The following GRIK4 variants were observed in gnomAD, a reference collection of about 807,000 sequenced individuals.
The protein encoded by GRIK4 is glutamate receptor ionotropic, kainate 4.
A neutral mutation model predicts 104.9 loss-of-function variants in GRIK4; 40 were observed. That is an observed-to-expected ratio of 0.38 (90% CI 0.30 to 0.50). The LOEUF (loss-of-function observed/expected upper bound fraction) is 0.50, where lower values mean the gene tolerates loss of function less well. Ranked by LOEUF, GRIK4 falls within the 20% of genes least tolerant of loss-of-function variation. The pLI is 0.93. For synonymous variants in GRIK4, 485 were observed against 524.9 expected, an observed-to-expected ratio of 0.92 and a Z score of 1.04; for missense variants, 1,047 against 1,308.1, an observed-to-expected ratio of 0.80 and a Z score of 3.08.
chr11:120,803,111 C>T (rs138699127), intron 4 of GRIK4, among the ~76,000 whole-genome samples: 47 of 152,302 alleles, frequency 3.1e-4, no homozygotes, highest in African/African-American at 1.0e-3. Context: ...TCATTCATTG[C>T]TTCATATATT....
At chr11:120,543,917 A>C (rs1565544414) in intron 1 of GRIK4, among the ~76,000 whole-genome samples, 1 of 152,240 alleles carries the variant, frequency 6.6e-6, no homozygotes, top group Admixed American at 6.5e-5. Context: ...TCTCACTTAC[A>C]TGTGGAATCT....
chr11:120,710,343 A>G (rs747078152), intron 3 of GRIK4, among the ~76,000 whole-genome samples: 1 of 152,206 alleles, frequency 6.6e-6, no homozygotes, highest in Non-Finnish European at 1.5e-5. Context: ...CCGGGAGGTT[A>G]GGAGGTCTGA....
intron 3 of GRIK4, among the ~76,000 whole-genome samples, chr11:120,752,818 T>C (rs1231517999): frequency 6.6e-6 from 1 of 152,184 alleles, no homozygotes; most frequent in Non-Finnish European, 1.5e-5. Flanking sequence ...AGCTGAGGCA[T>C]GAAGCATAGC....
intron 3 of GRIK4, among the ~76,000 whole-genome samples, chr11:120,706,207 G>A (rs999230566): frequency 7.2e-5 from 11 of 152,158 alleles, no homozygotes; most frequent in African/African-American, 2.7e-4. Flanking sequence ...AGGGGCTGTG[G>A]GTTCTAGGAC....
At chr11:120,609,278 CTT>C (rs781650048) in intron 1 of GRIK4, among the ~76,000 whole-genome samples, 2 of 144,408 alleles carry the variant, frequency 1.4e-5, no homozygotes. Flanking sequence ...CTGTTTCAGA[CTT>C]TTTTTTTTTT....
intron 3 of GRIK4, among the ~76,000 whole-genome samples, chr11:120,661,250 A>G (rs1271463212): frequency 6.6e-6 from 1 of 151,940 alleles, no homozygotes; most frequent in Non-Finnish European, 1.5e-5. Flanking sequence ...ACATCGGGGG[A>G]TGGGGATTAG....
intron 3 of GRIK4, among the ~76,000 whole-genome samples, chr11:120,730,189 T>C (rs1392039862): frequency 6.6e-6 from 1 of 152,010 alleles, no homozygotes; most frequent in East Asian, 1.9e-4. Flanking sequence ...ACCCTGTCTC[T>C]ATGAAATATT....
At chr11:120,856,448 C>T (rs1449803790) in intron 8 of GRIK4, among the ~76,000 whole-genome samples, 2 of 152,130 alleles carry the variant, frequency 1.3e-5, no homozygotes, top group Non-Finnish European at 2.9e-5. Flanking sequence ...GCAGCTATTG[C>T]AGAGGAGAAA....
intron 11 of GRIK4, among the ~76,000 whole-genome samples, chr11:120,886,046 G>A (rs1379909703): frequency 6.6e-6 from 1 of 152,228 alleles, no homozygotes; most frequent in South Asian, 2.1e-4. Flanking sequence ...CTACACATTC[G>A]AGAGCAGACA....
chr11:120,736,760 T>TTC (rs55839928), intron 3 of GRIK4, among the ~76,000 whole-genome samples: 204 of 149,190 alleles, frequency 1.4e-3, no homozygotes, highest in African/African-American at 1.8e-3. Flanking sequence ...ATTACATATA[T>TTC]TCTCTCTCTC....
intron 19 of GRIK4, among the ~76,000 whole-genome samples, chr11:120,972,109 T>A (rs1395965384): frequency 6.6e-6 from 1 of 152,154 alleles, no homozygotes; most frequent in East Asian, 1.9e-4. Flanking sequence ...AATGTAAGAA[T>A]TTTTTTCCCA....
chr11:120,685,045 A>T (rs1228849124), intron 3 of GRIK4, among the ~76,000 whole-genome samples: 1 of 152,168 alleles, frequency 6.6e-6, no homozygotes, highest in Non-Finnish European at 1.5e-5. Flanking sequence ...AATGGAAGGG[A>T]ACCTCTGAGT....
intron 3 of GRIK4, among the ~76,000 whole-genome samples, chr11:120,679,544 G>A (rs1326861600): frequency 6.6e-6 from 1 of 152,222 alleles, no homozygotes; most frequent in East Asian, 1.9e-4. Flanking sequence ...GGCAGGCAGG[G>A]TGTCTGCCTA....
At chr11:120,858,114 G>C (rs1386794975) in intron 8 of GRIK4, 1 of 152,176 alleles carries the variant, frequency 6.6e-6, no homozygotes. Context: ...GTCCCCATGA[G>C]AACCTGTTCC....
chr11:120,749,423 G>A (rs1175240412), intron 3 of GRIK4, among the ~76,000 whole-genome samples: 1 of 152,166 alleles, frequency 6.6e-6, no homozygotes. Flanking sequence ...CTCACATATG[G>A]TGTCGAGGAG....
intron 3 of GRIK4, among the ~76,000 whole-genome samples, chr11:120,787,156 T>A (rs1291317835): frequency 6.7e-6 from 1 of 148,390 alleles, no homozygotes; most frequent in Admixed American, 6.7e-5. Context: ...TTTTTTTTTT[T>A]AACAACAACA....
intron 18 of GRIK4, chr11:120,962,886 CTTAA>C (rs1407816125): frequency 2.1e-6 from 1 of 478,910 alleles, no homozygotes; most frequent in East Asian, 3.3e-5. Context: ...GTGCTCAATC[CTTAA>C]TTATTAAAGA....
At chr11:120,572,600 A>G (rs527804105) in intron 1 of GRIK4, among the ~76,000 whole-genome samples, 3 of 150,466 alleles carry the variant, frequency 2.0e-5, no homozygotes, top group African/African-American at 7.2e-5. Context: ...CTTTACAATC[A>G]TCACCTCCTA....
At chr11:120,590,576 G>C (rs962572372) in intron 1 of GRIK4, among the ~76,000 whole-genome samples, 1 of 152,150 alleles carries the variant, frequency 6.6e-6, no homozygotes, top group African/African-American at 2.4e-5. Flanking sequence ...ATTGGCACTC[G>C]CTTCAATTGT....
Sources: allele counts gnomAD v4.1 joint callset (sites outside exome capture counted in the v4.1 genomes callset), GRCh38; gene constraint gnomAD v4.1.1; transcripts MANE v1.5; gene names NCBI Gene and HGNC (gene_info 2026-07-23, HGNC 2026-07-21).